The following MYO10 variants were observed in gnomAD, a reference collection of about 807,000 sequenced individuals.
The protein encoded by MYO10 is myosin X.
A neutral mutation model predicts 257.3 loss-of-function variants in MYO10; 133 were observed. That is an observed-to-expected ratio of 0.52 (90% CI 0.45 to 0.60). MYO10 has a LOEUF of 0.60. Among genes scored for constraint, MYO10 ranks in the 20% least tolerant of loss-of-function variants. The pLI, the probability that MYO10 is intolerant of heterozygous loss-of-function variation, is 0.00. For missense variants in MYO10, 2,399 were observed against 2,635.7 expected (o/e 0.91, Z 1.97); for synonymous variants, 1,104 against 1,028.6 (o/e 1.07, Z -1.40).
chr5:16,742,255 T>C, intron 19 of MYO10: 1 of 985,268 alleles, frequency 1.0e-6, no homozygotes, highest in Non-Finnish European at 1.2e-6. Flanking sequence ...CGCTGCAATT[T>C]ATCCTGATCT....
intron 34 of MYO10, 64 bp from the exon 35 acceptor site, chr5:16,675,214 C>A (rs577896814): frequency 3.2e-6 from 5 of 1,543,974 alleles, no homozygotes; most frequent in South Asian, 1.1e-5. Context: ...TGAGCATAAT[C>A]GGAGCAGTAG....
intron 34 of MYO10, among the ~76,000 whole-genome samples, chr5:16,675,503 C>T (rs147898104): frequency 0.017 from 2,516 of 152,092 alleles, 57 homozygotes; most frequent in African/African-American, 0.058. Flanking sequence ...TTTGGGAGGC[C>T]GAGGCAGGTG....
chr5:16,932,264 A>G (rs1444715244), intron 1 of MYO10, among the ~76,000 whole-genome samples: 3 of 152,206 alleles, frequency 2.0e-5, no homozygotes, highest in Non-Finnish European at 4.4e-5. Context: ...TAATCCTCCG[A>G]GATCTTGTAT....
chr5:16,770,551 G>A lies in MYO10; in HGVS notation c.931-1348C>T, dbSNP rs76156281. On this transcript the variant is annotated intron_variant, in intron 9 of 40. Coordinates refer to ENST00000513610, the MANE Select transcript of MYO10 (RefSeq NM_012334.3). ...AGCTGCATTCTTGTGACCAAAAAAA[G>A]CTATTAAAAAAGAAAAGAAAACCAG... 6.5e-3 allele frequency among the ~76,000 whole-genome samples: 994 copies of A among 152,188 alleles called. 13 individuals are homozygous for A. Among genetic ancestry groups the A allele is most frequent in the African/African-American group, 0.023 (939 of 41,532 alleles).
chr5:16,780,384 T>G (rs1741386564), intron 8 of MYO10, 140 bp downstream of exon 8: 2 of 764,700 alleles, frequency 2.6e-6, no homozygotes, highest in Middle Eastern at 3.6e-4. Flanking sequence ...ATTCAGCATC[T>G]TTTTGGTGTT....
In MYO10 at chr5:16,703,063, G is replaced by A. The variant is rs377741270; in HGVS notation, c.2372C>T (p.Ala791Val). Residue 791 changes from alanine (A) to valine (V), a missense_variant, in exon 23 of 41, where the codon GCA becomes GTA. Physicochemically the swap from Ala to Val is moderately conservative, Grantham distance 64. Coordinates refer to ENST00000513610, the MANE Select transcript of MYO10 (RefSeq NM_012334.3). ...LRRRFLHLKK[A>V]AIVFQKQLRG... ...GAGTTGCTTCTGGAAAACTATGGCT[G>A]CCTTTTTCAGGTGCAAAAATCTCCT... 1.2e-5 allele frequency: 18 copies of A among 1,561,036 alleles called. No individual in the cohort carries two copies. The highest frequency in any genetic ancestry group is 1.6e-5 in the Non-Finnish European group (18 of 1,151,222).
At chr5:16,706,039 C>T (rs1475744541) in intron 21 of MYO10, among the ~76,000 whole-genome samples, 2 of 151,992 alleles carry the variant, frequency 1.3e-5, no homozygotes, top group African/African-American at 4.8e-5. Flanking sequence ...AAAAAATTAG[C>T]CAGGCATGGT....
At position 16,818,184 on chromosome 5, in the gene MYO10, A is replaced by C; in HGVS notation, c.121-17T>G. On this transcript the variant is annotated splice_polypyrimidine_tract_variant and intron_variant, in intron 2 of 40. Transcript: ENST00000513610. ...AGTGAATACCTGAGGGAGGGAGAGG[A>C]ATTCAATTATTTCATTATCAGCAGT... 1 of 1,479,176 alleles carries C rather than the reference A, an allele frequency of 6.8e-7. No homozygotes were observed. Among genetic ancestry groups the C allele is most frequent in the Non-Finnish European group, 9.1e-7 (1 of 1,100,224 alleles). The allele number at this position is 1,479,176 out of a possible 1,614,324, so 91.6% of individuals were successfully genotyped here. A position where few individuals can be genotyped will look rare whatever the true frequency, so the allele number is the denominator to read the frequency against.
intron 1 of MYO10, among the ~76,000 whole-genome samples, chr5:16,905,370 G>A (rs1295762079): frequency 2.0e-5 from 3 of 152,166 alleles, no homozygotes; most frequent in Non-Finnish European, 2.9e-5. Context: ...GTGTCTGAGT[G>A]TGCCCTTACA....
intron 5 of MYO10, among the ~76,000 whole-genome samples, chr5:16,782,128 G>C (rs980804938): frequency 6.6e-6 from 1 of 152,102 alleles, no homozygotes; most frequent in Non-Finnish European, 1.5e-5. Context: ...ACAATCCAGG[G>C]ACTGCACAGA....
intron 19 of MYO10, among the ~76,000 whole-genome samples, chr5:16,748,110 C>T (rs1349164614): frequency 6.6e-6 from 1 of 152,042 alleles, no homozygotes; most frequent in Non-Finnish European, 1.5e-5. Flanking sequence ...CACTGTGTTG[C>T]ACAGGCCGAA....
intron 19 of MYO10, among the ~76,000 whole-genome samples, chr5:16,749,201 C>A (rs563388298): frequency 6.6e-6 from 1 of 152,100 alleles, no homozygotes; most frequent in Non-Finnish European, 1.5e-5. Context: ...TCTTCCCTTC[C>A]GTAAACCTTA....
At chr5:16,878,931 A>G (rs1281151301) in intron 1 of MYO10, among the ~76,000 whole-genome samples, 1 of 152,032 alleles carries the variant, frequency 6.6e-6, no homozygotes, top group Non-Finnish European at 1.5e-5. Context: ...TCACCACTGA[A>G]TAACATATCC....
At chr5:16,891,622 T>C (rs1379903385) in intron 1 of MYO10, among the ~76,000 whole-genome samples, 1 of 152,142 alleles carries the variant, frequency 6.6e-6, no homozygotes, top group East Asian at 1.9e-4. Flanking sequence ...GTGAATGTCA[T>C]GATGTGTGAA....
intron 19 of MYO10, among the ~76,000 whole-genome samples, chr5:16,744,761 G>A (rs968118944): frequency 1.3e-5 from 2 of 151,768 alleles, no homozygotes; most frequent in Non-Finnish European, 2.9e-5. Context: ...GCAAACACAG[G>A]CAGTAAAAAG....
chr5:16,751,666 T>TA lies in MYO10; in HGVS notation c.1929+3161dup, dbSNP rs1310241194. Among the ~76,000 whole-genome samples the TA allele has an allele frequency of 7.2e-3, 1,082 of 150,314 alleles. 5 individuals are homozygous for TA. Among genetic ancestry groups the TA allele is most frequent in the Admixed American group, 0.014 (209 of 15,012 alleles). On this transcript the variant is annotated intron_variant, in intron 19 of 40. Transcript: ENST00000513610. ...CTGGCTAATTTTTTTTTTTTTTTTTTAGTAGAGACGAGGTTTCACCATGTT... is the reference window on the plus strand; with the variant it reads ...CTGGCTAATTTTTTTTTTTTTTTTTTAAGTAGAGACGAGGTTTCACCATGTT...
Position 16,869,339 on chromosome 5 carries a change from C to T in MYO10, c.120+8270G>A, listed in dbSNP as rs144569531. Among the ~76,000 whole-genome samples, 73 of 151,940 alleles carry T rather than the reference C, an allele frequency of 4.8e-4. No homozygotes were observed. In the East Asian group the frequency reaches 0.013, roughly 28 times the overall value. ...CAGGCGTGCACCACCGTGCCCAGGCCTATTGCTTTCAAAGACTGAGTCAGG... is the reference window on the plus strand; with the variant it reads ...CAGGCGTGCACCACCGTGCCCAGGCTTATTGCTTTCAAAGACTGAGTCAGG... On this transcript the variant is annotated intron_variant, in intron 2 of 40. Coordinates refer to ENST00000513610, the MANE Select transcript of MYO10 (RefSeq NM_012334.3).
At chr5:16,892,287 C>T (rs775011455) in intron 1 of MYO10, among the ~76,000 whole-genome samples, 1 of 152,140 alleles carries the variant, frequency 6.6e-6, no homozygotes, top group South Asian at 2.1e-4. Flanking sequence ...TGAGTTGACA[C>T]CTAGCTTATC....
intron 35 of MYO10, 62 bp downstream of exon 35, chr5:16,674,791 C>T (rs1156390838): frequency 1.2e-5 from 19 of 1,572,880 alleles, no homozygotes; most frequent in East Asian, 2.2e-5. Flanking sequence ...TGAACGAGGA[C>T]CCAGTGCCCC....
Sources: allele counts gnomAD v4.1 joint callset (sites outside exome capture counted in the v4.1 genomes callset), GRCh38; gene constraint gnomAD v4.1.1; transcripts MANE v1.5; gene names NCBI Gene and HGNC (gene_info 2026-07-23, HGNC 2026-07-21).